Variants in ARB2A observed in about 807,000 individuals in gnomAD.
ARB2A encodes the protein cotranscriptional regulator ARB2A.
the ARB2A span, among the ~76,000 whole-genome samples, chr5:93,940,750 G>T: frequency 6.6e-6 from 1 of 151,596 alleles, no homozygotes; most frequent in African/African-American, 2.4e-5. Context: ...TTAATCTAAG[G>T]CTTGTTAATT....
At chr5:93,694,299 A>G in the ARB2A span, among the ~76,000 whole-genome samples, 2 of 152,350 alleles carry the variant, frequency 1.3e-5, no homozygotes, top group African/African-American at 4.8e-5. Flanking sequence ...CCATCGTTTC[A>G]GCCCCGAATC....
chr5:94,097,427 A>C, the ARB2A span, among the ~76,000 whole-genome samples: 3 of 152,174 alleles, frequency 2.0e-5, no homozygotes, highest in African/African-American at 7.2e-5. Flanking sequence ...TCTCATCTTG[A>C]ATTCCCATGT....
chr5:93,673,621 G>A, the ARB2A span, among the ~76,000 whole-genome samples: 12 of 152,256 alleles, frequency 7.9e-5, no homozygotes, highest in East Asian at 2.1e-3. Context: ...ATCACCATAT[G>A]ATTATTCTGA....
At chr5:94,041,692 G>C in the ARB2A span, among the ~76,000 whole-genome samples, 4 of 152,030 alleles carry the variant, frequency 2.6e-5, no homozygotes, top group Admixed American at 2.6e-4. Context: ...AATTATGTAG[G>C]ACAGATATTA....
At chr5:93,861,308 CTTTTTTTTT>C in the ARB2A span, 22 of 109,012 alleles carry the variant, frequency 2.0e-4, no homozygotes, top group African/African-American at 7.3e-4. Context: ...CTCTTTTTTT[CTTTTTTTTT>C]TTTTTTTTTT....
At chr5:94,079,359 T>C in the ARB2A span, among the ~76,000 whole-genome samples, 1 of 152,184 alleles carries the variant, frequency 6.6e-6, no homozygotes, top group Non-Finnish European at 1.5e-5. Context: ...TCTATTCTTA[T>C]CCATTATCTG....
At chr5:93,619,660 T>G in the ARB2A span, 1 of 152,212 alleles carries the variant, frequency 6.6e-6, no homozygotes, top group South Asian at 2.1e-4. Context: ...GTAATTAAAC[T>G]TTTCAAGTAA....
chr5:93,663,114 T>G, the ARB2A span, among the ~76,000 whole-genome samples: 1 of 152,184 alleles, frequency 6.6e-6, no homozygotes, highest in African/African-American at 2.4e-5. Context: ...ACCGTTACAC[T>G]GATAACACCT....
At chr5:93,626,472 A>ATGG in the ARB2A span, among the ~76,000 whole-genome samples, 1 of 152,230 alleles carries the variant, frequency 6.6e-6, no homozygotes, top group Non-Finnish European at 1.5e-5. Flanking sequence ...GTCCTAGACC[A>ATGG]AAAGGTCATG....
the ARB2A span, among the ~76,000 whole-genome samples, chr5:93,925,626 G>A: frequency 6.6e-6 from 1 of 152,078 alleles, no homozygotes; most frequent in Non-Finnish European, 1.5e-5. Context: ...ATTATTTCTG[G>A]AATTTTCAAC....
chr5:93,765,717 C>T, the ARB2A span, among the ~76,000 whole-genome samples: 1 of 152,112 alleles, frequency 6.6e-6, no homozygotes, highest in Non-Finnish European at 1.5e-5. Context: ...CAAAAAAGAG[C>T]CCACATTGCC....
chr5:93,999,864 C>T, the ARB2A span, among the ~76,000 whole-genome samples: 1 of 152,080 alleles, frequency 6.6e-6, no homozygotes, highest in Admixed American at 6.6e-5. Flanking sequence ...TTTACTCTCA[C>T]TACAGCTTTG....
At chr5:93,633,013 C>T in the ARB2A span, among the ~76,000 whole-genome samples, 231 of 152,188 alleles carry the variant, frequency 1.5e-3, 1 homozygote, top group African/African-American at 5.2e-3. Context: ...GCAATCAGTC[C>T]AGAGGTGACT....
At chr5:93,777,710 C>T in the ARB2A span, among the ~76,000 whole-genome samples, 2 of 152,060 alleles carry the variant, frequency 1.3e-5, no homozygotes, top group East Asian at 1.9e-4. Context: ...CCATGGAATC[C>T]GTCCTCACTG....
chr5:93,958,955 T>G, the ARB2A span: 2 of 1,587,256 alleles, frequency 1.3e-6, no homozygotes, highest in Non-Finnish European at 1.7e-6. Flanking sequence ...TGGTTCACTC[T>G]CAGTGGCATC....
At chr5:93,649,572 C>T in the ARB2A span, among the ~76,000 whole-genome samples, 1 of 152,170 alleles carries the variant, frequency 6.6e-6, no homozygotes, top group East Asian at 1.9e-4. Flanking sequence ...GGGAATAACT[C>T]CAAATCTGTG....
chr5:93,904,451 G>A, the ARB2A span, among the ~76,000 whole-genome samples: 6 of 151,696 alleles, frequency 4.0e-5, no homozygotes, highest in Non-Finnish European at 8.9e-5. Flanking sequence ...TAAGGCCTAT[G>A]GAAAACATAG....
the ARB2A span, among the ~76,000 whole-genome samples, chr5:93,909,291 GTA>G: frequency 6.6e-6 from 1 of 150,970 alleles, no homozygotes; most frequent in Non-Finnish European, 1.5e-5. Flanking sequence ...TAATGTCAAA[GTA>G]TGTACAAAAC....
chr5:93,787,668 G>A, the ARB2A span, among the ~76,000 whole-genome samples: 2 of 151,994 alleles, frequency 1.3e-5, no homozygotes, highest in African/African-American at 2.4e-5. Context: ...ATTACACGAG[G>A]TCTACTTCTC....
Sources: gnomAD v4.1 joint callset for allele counts (sites outside exome capture counted in the v4.1 genomes callset) on GRCh38, gnomAD v4.1.1 for gene constraint, MANE v1.5 for transcripts, NCBI Gene and HGNC (gene_info 2026-07-23, HGNC 2026-07-21) for gene names.